The following FBXL20 variants were observed in gnomAD, a reference collection of about 807,000 sequenced individuals.
FBXL20 encodes the protein F-box and leucine rich repeat protein 20, also known as F-box/LRR-repeat protein 20.
A neutral mutation model predicts 64.0 loss-of-function variants in FBXL20; 11 were observed. The observed-to-expected ratio is 0.17, with a 90% CI of 0.11 to 0.28. FBXL20 has a LOEUF of 0.28. FBXL20 is among the 10% of genes least tolerant of loss of function. FBXL20 has a pLI of 1.00. For missense variants in FBXL20, 303 were observed against 526.2 expected, an observed-to-expected ratio of 0.58 and a Z score of 4.15; for synonymous variants, 184 against 189.0, an observed-to-expected ratio of 0.97 and a Z score of 0.22.
chr17:39,298,936 A>G, intron 5 of FBXL20, 54 bp downstream of exon 5: 1 of 1,415,962 alleles, frequency 7.1e-7, no homozygotes, highest in Non-Finnish European at 9.9e-7. Context: ...TCTGGGTGAG[A>G]TGGTGCTGCT....
At chr17:39,347,566 G>T (rs193187451) in intron 1 of FBXL20, among the ~76,000 whole-genome samples, 1 of 152,122 alleles carries the variant, frequency 6.6e-6, no homozygotes, top group Non-Finnish European at 1.5e-5. Context: ...ATTTGTTTAA[G>T]TTCTTTGTAG....
At chr17:39,301,220 G>A in intron 3 of FBXL20, 145 bp from the exon 4 acceptor site, 1 of 664,488 alleles carries the variant, frequency 1.5e-6, no homozygotes. Context: ...CCCAAATGAT[G>A]TGTCTTACTC....
intron 1 of FBXL20, among the ~76,000 whole-genome samples, chr17:39,343,469 C>T (rs937299192): frequency 1.3e-5 from 2 of 152,158 alleles, no homozygotes; most frequent in East Asian, 1.9e-4. Context: ...GGATACATTA[C>T]GTGCCAGATA....
chr17:39,322,404 T>C (rs2047365548), intron 2 of FBXL20, among the ~76,000 whole-genome samples: 1 of 152,154 alleles, frequency 6.6e-6, no homozygotes, highest in Admixed American at 6.6e-5. Context: ...AGCTGCTGTT[T>C]CTCCAGAACA....
intron 10 of FBXL20, among the ~76,000 whole-genome samples, chr17:39,273,285 G>A (rs1017830440): frequency 1.3e-5 from 2 of 152,020 alleles, no homozygotes; most frequent in Non-Finnish European, 2.9e-5. Context: ...CAAAGTGTTG[G>A]GATTACAGGT....
intron 2 of FBXL20, among the ~76,000 whole-genome samples, chr17:39,316,358 G>A (rs761457419): frequency 1.1e-4 from 16 of 151,868 alleles, no homozygotes; most frequent in Non-Finnish European, 2.1e-4. Flanking sequence ...AGAGGGCCTG[G>A]AGCAATAACC....
intron 10 of FBXL20, among the ~76,000 whole-genome samples, chr17:39,272,701 C>CAAAA (rs56138431): frequency 4.2e-4 from 41 of 98,726 alleles, no homozygotes; most frequent in Middle Eastern, 4.6e-3. Flanking sequence ...AACTCTATCT[C>CAAAA]AAAAAAAAAA....
chr17:39,283,490 C>T (rs549536842), intron 7 of FBXL20, among the ~76,000 whole-genome samples: 1 of 151,992 alleles, frequency 6.6e-6, no homozygotes, highest in East Asian at 1.9e-4. Context: ...GGCTGGAGTG[C>T]AGTGGCGCCA....
rs911336242 is a variant in FBXL20 at position 39,349,159 on chromosome 17, G to T, written c.43-5918C>A. The stretch of plus-strand genomic sequence containing the variant: ...CCCAGCTACTTGGGAGGCTGAAGCA[G>T]GAGAATCACTTGAACCCGGGAGACA... On this transcript the variant is annotated intron_variant, in intron 1 of 14. Transcript: ENST00000264658. Among the ~76,000 whole-genome samples, 15 of 151,854 alleles carry T rather than the reference G, an allele frequency of 9.9e-5. No homozygotes were observed. In the East Asian group the frequency reaches 2.3e-3, roughly 24 times the overall value.
intron 1 of FBXL20, among the ~76,000 whole-genome samples, chr17:39,395,668 C>T (rs1323287661): frequency 6.6e-6 from 1 of 152,122 alleles, no homozygotes; most frequent in African/African-American, 2.4e-5. Flanking sequence ...TACTGTCACC[C>T]ACTAGAAAAA....
At position 39,303,677 on chromosome 17, in the gene FBXL20, GA is replaced by G. The variant is rs1187286868; in HGVS notation, c.105-39del. The G allele has an allele frequency of 1.2e-5, 18 of 1,549,698 alleles. No individual in the cohort carries two copies. The African/African-American group carries it at 1.6e-4, about 14-fold the overall frequency. ...GAGAGAAAGACAAATTTTATTGTAT[GA>G]TAAAGTAGTTGACCTTTATTTATTT... On this transcript the variant is annotated intron_variant, in intron 2 of 14. Coordinates refer to ENST00000264658, the MANE Select transcript of FBXL20 (RefSeq NM_032875.3).
At chr17:39,352,866 AAAG>A (rs2047700941) in intron 1 of FBXL20, among the ~76,000 whole-genome samples, 1 of 152,296 alleles carries the variant, frequency 6.6e-6, no homozygotes, top group Admixed American at 6.5e-5. Flanking sequence ...GGCTGTGTGG[AAAG>A]AAGACTATTT....
intron 1 of FBXL20, among the ~76,000 whole-genome samples, chr17:39,383,020 T>A (rs1274513535): frequency 6.6e-6 from 1 of 150,800 alleles, no homozygotes; most frequent in Admixed American, 6.6e-5. Flanking sequence ...AAAATTAGCT[T>A]TGCATGGTGG....
chr17:39,268,667 G>A (rs907556405), intron 12 of FBXL20, among the ~76,000 whole-genome samples, 160 bp downstream of exon 12: 1 of 152,142 alleles, frequency 6.6e-6, no homozygotes, highest in Non-Finnish European at 1.5e-5. Flanking sequence ...CACATACCAT[G>A]AGCACCTCTG....
intron 1 of FBXL20, among the ~76,000 whole-genome samples, chr17:39,358,957 G>A (rs992333835): frequency 2.0e-5 from 3 of 152,164 alleles, no homozygotes; most frequent in Non-Finnish European, 4.4e-5. Flanking sequence ...ATGAAAAGAT[G>A]CTAAACATCA....
At chr17:39,366,188 G>A (rs1019587474) in intron 1 of FBXL20, among the ~76,000 whole-genome samples, 4 of 152,132 alleles carry the variant, frequency 2.6e-5, no homozygotes, top group South Asian at 2.1e-4. Context: ...TTAAGCGTCC[G>A]TGTGAATATT....
intron 2 of FBXL20, among the ~76,000 whole-genome samples, chr17:39,312,590 T>TTTC (rs1395630974): frequency 8.0e-6 from 1 of 124,488 alleles, no homozygotes; most frequent in Non-Finnish European, 1.7e-5. Context: ...TTTTTTTTTT[T>TTTC]TGAGATGGAG....
In FBXL20 at chr17:39,265,426, A is replaced by T; in HGVS notation, c.961T>A (p.Ser321Thr). ...QITDSTLIQLSIHCPRLQVLS... is the reference protein window; with the variant it reads ...QITDSTLIQLTIHCPRLQVLS... ...ACTTGAAGTCGAGGACAGTGTATAG[A>T]AAGTTGGATTAATGTGCTATCTGTT... Residue 321 changes from serine (S) to threonine (T), a missense_variant, in exon 13 of 15, where the codon TCT becomes ACT. By Grantham distance (58) the Ser-to-Thr change is moderately conservative. This residue lies in a region of FBXL20 where 246 missense variants were observed against 422.6 expected (regional missense o/e 0.58). Coordinates refer to ENST00000264658, the MANE Select transcript of FBXL20 (RefSeq NM_032875.3). 6.2e-7 allele frequency: 1 copy of T among 1,611,858 alleles called. No individual in the cohort carries two copies. The highest frequency in any genetic ancestry group is 1.7e-5 in the Admixed American group (1 of 59,976).
At chr17:39,312,767 C>T (rs1356493023) in intron 2 of FBXL20, among the ~76,000 whole-genome samples, 3 of 147,468 alleles carry the variant, frequency 2.0e-5, no homozygotes, top group Admixed American at 1.4e-4. Flanking sequence ...TTAGTAGAGA[C>T]GGGTTTCAAT....
Sources: allele counts gnomAD v4.1 joint callset (sites outside exome capture counted in the v4.1 genomes callset), GRCh38; gene constraint gnomAD v4.1.1; regional missense constraint gnomAD v4.1.1; transcripts MANE v1.5; gene names NCBI Gene and HGNC (gene_info 2026-07-23, HGNC 2026-07-21).